The following PDE4B variants were observed in gnomAD, a reference collection of about 807,000 sequenced individuals.
PDE4B encodes 3',5'-cyclic-AMP phosphodiesterase 4B.
PDE4B carries 20 observed loss-of-function variants against 82.2 expected under a neutral mutation model. The ratio of observed to expected loss-of-function variants is 0.24; its 90% CI spans 0.17 to 0.35. The LOEUF (loss-of-function observed/expected upper bound fraction) is 0.35. Ranked by LOEUF, PDE4B falls within the 10% of genes least tolerant of loss-of-function variation. The pLI is 1.00. For missense variants in PDE4B, 655 were observed against 907.2 expected (o/e 0.72, Z 3.57); for synonymous variants, 320 against 318.9 (o/e 1.00, Z -0.04).
At chr1:66,201,132 A>T (rs552794550) in intron 3 of PDE4B, among the ~76,000 whole-genome samples, 9 of 152,306 alleles carry the variant, frequency 5.9e-5, no homozygotes, top group Admixed American at 2.6e-4. Context: ...GGTTCTGTTT[A>T]TATGCTGGAT....
chr1:66,023,365 A>G (rs541019053), intron 3 of PDE4B, among the ~76,000 whole-genome samples: 3 of 152,308 alleles, frequency 2.0e-5, no homozygotes, highest in Admixed American at 2.0e-4. Context: ...TAGGCTTATC[A>G]GTTCACAATG....
At chr1:66,317,100 A>C in intron 7 of PDE4B, among the ~76,000 whole-genome samples, 1 of 152,170 alleles carries the variant, frequency 6.6e-6, no homozygotes, top group South Asian at 2.1e-4. Flanking sequence ...GAAGTTCTGA[A>C]TCTGTCACAT....
intron 7 of PDE4B, among the ~76,000 whole-genome samples, chr1:66,290,591 A>G (rs540253144): frequency 1.6e-4 from 24 of 152,310 alleles, no homozygotes; most frequent in Non-Finnish European, 2.6e-4. Context: ...TATAAAGTGA[A>G]TCTAACCCAA....
At chr1:66,167,245 A>G (rs755952933) in intron 3 of PDE4B, among the ~76,000 whole-genome samples, 6 of 152,236 alleles carry the variant, frequency 3.9e-5, no homozygotes, top group Non-Finnish European at 8.8e-5. Context: ...AAAAACCTGT[A>G]CATGAGTATT....
intron 1 of PDE4B, among the ~76,000 whole-genome samples, chr1:65,824,326 A>C (rs1645990183): frequency 6.6e-6 from 1 of 152,120 alleles, no homozygotes; most frequent in African/African-American, 2.4e-5. Flanking sequence ...CAATCAACTA[A>C]CTGTACCCTT....
chr1:65,965,087 A>G (rs1649744300), intron 3 of PDE4B, among the ~76,000 whole-genome samples: 1 of 152,128 alleles, frequency 6.6e-6, no homozygotes, highest in Non-Finnish European at 1.5e-5. Flanking sequence ...TGAGACATAT[A>G]TATGTGCCAA....
At chr1:65,948,571 T>A (rs1194123338) in intron 3 of PDE4B, among the ~76,000 whole-genome samples, 1 of 152,004 alleles carries the variant, frequency 6.6e-6, no homozygotes, top group East Asian at 1.9e-4. Flanking sequence ...GCCCATCCAA[T>A]TAAGATTGGG....
In PDE4B at chr1:65,792,996, G is replaced by C. The variant is rs1038475298; in HGVS notation, c.-323G>C. On this transcript the variant is annotated 5_prime_UTR_variant, in exon 1 of 17. Transcript: ENST00000341517. ...CTGGCCCGTCCGCGCGCGCGCCCCC[G>C]GCCCGCGCGCCCCTTCCCGGGGCTC... Among the ~76,000 whole-genome samples the C allele has an allele frequency of 6.6e-6, 1 of 151,620 alleles. No homozygotes were observed. Among genetic ancestry groups the C allele is most frequent in the South Asian group, 2.1e-4 (1 of 4,812 alleles).
In PDE4B at chr1:65,928,138, A is replaced by G. The variant is rs549520514; in HGVS notation, c.281+9303A>G. ...AGGTCTCCTTGGGGAAGGATGGGAGAAAGATTCACTGCTCAAATTGTCGAT... is the reference window on the plus strand; with the variant it reads ...AGGTCTCCTTGGGGAAGGATGGGAGGAAGATTCACTGCTCAAATTGTCGAT... On this transcript the variant is annotated intron_variant, in intron 3 of 16. Coordinates refer to ENST00000341517, the MANE Select transcript of PDE4B (RefSeq NM_002600.4). 3.3e-5 allele frequency among the ~76,000 whole-genome samples: 5 copies of G among 152,244 alleles called. No individual in the cohort carries two copies. In the South Asian group the frequency reaches 1.0e-3, roughly 32 times the overall value.
chr1:66,067,325 T>C (rs1374247455), intron 3 of PDE4B, among the ~76,000 whole-genome samples: 4 of 152,138 alleles, frequency 2.6e-5, no homozygotes, highest in Non-Finnish European at 4.4e-5. Context: ...AGTGTTCCTA[T>C]TTCTCCACAT....
At chr1:66,033,325 G>A (rs1343551780) in intron 3 of PDE4B, among the ~76,000 whole-genome samples, 1 of 152,014 alleles carries the variant, frequency 6.6e-6, no homozygotes, top group African/African-American at 2.4e-5. Flanking sequence ...ATGGAGCAGT[G>A]AACACAATGC....
At chr1:66,131,308 T>G (rs1645937421) in intron 3 of PDE4B, among the ~76,000 whole-genome samples, 1 of 151,958 alleles carries the variant, frequency 6.6e-6, no homozygotes, top group South Asian at 2.1e-4. Flanking sequence ...TGCTAATAAG[T>G]CAATTCCACT....
chr1:66,361,512 A>T, intron 9 of PDE4B, 103 bp from the exon 10 acceptor site: 1 of 843,290 alleles, frequency 1.2e-6, no homozygotes, highest in Non-Finnish European at 1.8e-6. Flanking sequence ...ATTTTATTTT[A>T]TAAGATTCTA....
At chr1:66,157,057 GC>G in intron 3 of PDE4B, among the ~76,000 whole-genome samples, 1 of 152,216 alleles carries the variant, frequency 6.6e-6, no homozygotes, top group South Asian at 2.1e-4. Flanking sequence ...CTTTAGATAG[GC>G]ATCTCAAACT....
In PDE4B at chr1:66,229,245, G is replaced by A. The variant is rs866037905; in HGVS notation, c.282-18215G>A. On this transcript the variant is annotated intron_variant, in intron 3 of 16. Coordinates refer to ENST00000341517, the MANE Select transcript of PDE4B (RefSeq NM_002600.4). ...AGGATGGTCTTGATCTCCTGACCTC[G>A]TGATCCGCCCGCCTCGGCCTCCCAA... Among the ~76,000 whole-genome samples, 21 of 151,988 alleles carry A rather than the reference G, an allele frequency of 1.4e-4. 2 individuals are homozygous for A. The South Asian group carries it at 3.1e-3, about 23-fold the overall frequency.
intron 1 of PDE4B, among the ~76,000 whole-genome samples, chr1:65,826,657 C>A (rs923774441): frequency 6.6e-6 from 1 of 152,006 alleles, no homozygotes; most frequent in Non-Finnish European, 1.5e-5. Flanking sequence ...AAAATTGTAG[C>A]CTGAGAGAAC....
chr1:66,363,102 T>A (rs1662936146), intron 10 of PDE4B, 66 bp from the exon 11 acceptor site: 4 of 1,093,046 alleles, frequency 3.7e-6, no homozygotes, highest in Admixed American at 3.9e-5. Flanking sequence ...AAAAATAAAT[T>A]AAAAAAATGA....
chr1:66,122,526 CTGAT>C (rs1160234607), intron 3 of PDE4B, among the ~76,000 whole-genome samples: 1 of 152,202 alleles, frequency 6.6e-6, no homozygotes, highest in South Asian at 2.1e-4. Context: ...TGGACTATGA[CTGAT>C]TAAGTGGGTT....
chr1:66,168,071 A>G (rs1275115255), intron 3 of PDE4B, among the ~76,000 whole-genome samples: 1 of 152,204 alleles, frequency 6.6e-6, no homozygotes, highest in Non-Finnish European at 1.5e-5. Context: ...ATTTTCATGA[A>G]AATCACTTCT....
Sources: gnomAD v4.1 joint callset for allele counts (sites outside exome capture counted in the v4.1 genomes callset) on GRCh38, gnomAD v4.1.1 for gene constraint, MANE v1.5 for transcripts, NCBI Gene and HGNC (gene_info 2026-07-23, HGNC 2026-07-21) for gene names.